The following ALK variants were observed in gnomAD, a reference collection of about 807,000 sequenced individuals.
The protein encoded by ALK is ALK receptor tyrosine kinase.
A neutral mutation model predicts 163.1 loss-of-function variants in ALK; 74 were observed. That is an observed-to-expected ratio of 0.45 (90% CI 0.38 to 0.55). ALK has a LOEUF of 0.55. Among genes scored for constraint, ALK ranks in the 20% least tolerant of loss-of-function variants. ALK has a pLI of 0.00. For synonymous variants in ALK, 960 were observed against 843.2 expected (o/e 1.14, Z -2.40); for missense variants, 2,063 against 2,105.3 (o/e 0.98, Z 0.39).
rs772708400 is a variant in ALK at position 29,223,528 on chromosome 2, A to G, written c.3173T>C (p.Val1058Ala). ...CAGCTCCTGGTGCTTCCGGCGGTAC[A>G]CTGCAGGTGGGTGGTCAGCTGCAAC... Reference protein sequence around the residue: ...LVLAFSGIMIVYRRKHQELQA... With the variant: ...LVLAFSGIMIAYRRKHQELQA... Residue 1058 changes from valine to alanine, a missense_variant and splice_region_variant, in exon 20 of 29, where the codon GTG becomes GCG. Physicochemically the swap from Val to Ala is moderately conservative, Grantham distance 64. Coordinates refer to ENST00000389048, the MANE Select transcript of ALK (RefSeq NM_004304.5). 11 of 1,613,268 alleles carry G rather than the reference A, an allele frequency of 6.8e-6. No individual in the cohort carries two copies. The highest frequency in any genetic ancestry group is 1.3e-5 in the African/African-American group (1 of 74,878).
chr2:29,592,626 C>A lies in ALK; in HGVS notation c.953-60510G>T, dbSNP rs183565164. ...ATAACTTATGAAACTAGAGAAATAA[C>A]CCTTCTCCTAATATCCCTATAGTGT... is the stretch of plus-strand genomic sequence containing the variant. On this transcript the variant is annotated intron_variant, in intron 3 of 28. Transcript: ENST00000389048. Among the ~76,000 whole-genome samples, 57 of 152,296 alleles carry A rather than the reference C, an allele frequency of 3.7e-4. No homozygotes were observed. In the East Asian group the frequency reaches 0.01, roughly 27 times the overall value.
At chr2:29,465,052 T>C (rs904445817) in intron 4 of ALK, among the ~76,000 whole-genome samples, 6 of 152,224 alleles carry the variant, frequency 3.9e-5, no homozygotes, top group Non-Finnish European at 8.8e-5. Flanking sequence ...TGTTGAAAAC[T>C]TTAAGTTCAC....
At chr2:29,384,662 G>GTA (rs896312099) in intron 4 of ALK, among the ~76,000 whole-genome samples, 5 of 151,830 alleles carry the variant, frequency 3.3e-5, no homozygotes, top group African/African-American at 1.2e-4. Flanking sequence ...GTGTGTGTGT[G>GTA]TGTGTGGATT....
intron 3 of ALK, among the ~76,000 whole-genome samples, chr2:29,693,697 G>T (rs567040701): frequency 2.0e-5 from 3 of 152,286 alleles, no homozygotes; most frequent in South Asian, 2.1e-4. Context: ...AGGCTCCCTA[G>T]TAGCATAAGC....
intron 1 of ALK, among the ~76,000 whole-genome samples, chr2:29,728,402 T>C (rs1311165283): frequency 4.6e-5 from 7 of 152,222 alleles, no homozygotes; most frequent in African/African-American, 7.2e-5. Flanking sequence ...CCCTTGGCAG[T>C]TGGGCTGCAT....
At chr2:29,730,488 G>C in intron 1 of ALK, among the ~76,000 whole-genome samples, 1 of 151,944 alleles carries the variant, frequency 6.6e-6, no homozygotes, top group East Asian at 1.9e-4. Flanking sequence ...TAGAGGGATA[G>C]AGTTCTATCT....
intron 1 of ALK, among the ~76,000 whole-genome samples, chr2:29,762,257 T>C (rs1028115775): frequency 2.0e-5 from 3 of 152,240 alleles, no homozygotes; most frequent in Non-Finnish European, 4.4e-5. Context: ...ACCAAAGTTA[T>C]TATTATCAAC....
chr2:29,505,472 C>G (rs182336496), intron 4 of ALK, among the ~76,000 whole-genome samples: 2 of 152,248 alleles, frequency 1.3e-5, no homozygotes, highest in East Asian at 3.9e-4. Flanking sequence ...ACTAGATGTC[C>G]TGAATATCTC....
chr2:29,217,352 C>T (rs1475095476), intron 23 of ALK, among the ~76,000 whole-genome samples: 9 of 105,408 alleles, frequency 8.5e-5, no homozygotes, highest in Admixed American at 2.7e-4. Flanking sequence ...ATGTGTTGTG[C>T]GTGTGTGGTG....
intron 3 of ALK, among the ~76,000 whole-genome samples, chr2:29,557,539 C>T (rs1014416043): frequency 6.6e-6 from 1 of 152,092 alleles, no homozygotes; most frequent in African/African-American, 2.4e-5. Flanking sequence ...GACCTTTTAA[C>T]TAACAAATGG....
intron 18 of ALK, among the ~76,000 whole-genome samples, chr2:29,226,594 T>C (rs1315222175): frequency 1.3e-5 from 2 of 151,204 alleles, no homozygotes; most frequent in Non-Finnish European, 2.9e-5. Flanking sequence ...AGGCAACAGG[T>C]CCCCAGCTCT....
chr2:29,646,131 T>G (rs1056743468), intron 3 of ALK, among the ~76,000 whole-genome samples: 6 of 152,162 alleles, frequency 3.9e-5, no homozygotes, highest in Admixed American at 6.6e-5. Flanking sequence ...TTTCCCACAT[T>G]AGAACCTAAA....
At chr2:29,470,610 C>A (rs1184583237) in intron 4 of ALK, among the ~76,000 whole-genome samples, 1 of 151,804 alleles carries the variant, frequency 6.6e-6, no homozygotes, top group Non-Finnish European at 1.5e-5. Context: ...TGACTGCCAG[C>A]CAAGAATTAT....
intron 3 of ALK, among the ~76,000 whole-genome samples, chr2:29,535,435 T>C (rs962763395): frequency 1.3e-5 from 2 of 152,220 alleles, no homozygotes; most frequent in Admixed American, 1.3e-4. Flanking sequence ...TCAAACTCTT[T>C]TGTATCTGTT....
At chr2:29,298,319 G>A (rs1055714814) in intron 8 of ALK, among the ~76,000 whole-genome samples, 1 of 152,160 alleles carries the variant, frequency 6.6e-6, no homozygotes, top group African/African-American at 2.4e-5. Context: ...ATAAATGAAT[G>A]AATCTGTTAA....
At chr2:29,717,546 G>T in intron 2 of ALK, 32 bp downstream of exon 2, 1 of 1,611,732 alleles carries the variant, frequency 6.2e-7, no homozygotes, top group South Asian at 1.1e-5. Context: ...TAGTGACAGT[G>T]TATCTCAAGT....
At chr2:29,472,780 A>T (rs4665459) in intron 4 of ALK, among the ~76,000 whole-genome samples, 24,988 of 152,168 alleles carry the variant, frequency 0.16, 2,258 homozygotes, top group East Asian at 0.35. Context: ...AAAACACTTA[A>T]AAGTCACAAA....
At chr2:29,764,829 G>A (rs1680811230) in intron 1 of ALK, among the ~76,000 whole-genome samples, 1 of 152,162 alleles carries the variant, frequency 6.6e-6, no homozygotes, top group Admixed American at 6.5e-5. Flanking sequence ...TTATTGATAT[G>A]ATTTGGATTT....
chr2:29,543,326 A>G (rs1673464329), intron 3 of ALK, among the ~76,000 whole-genome samples: 1 of 152,208 alleles, frequency 6.6e-6, no homozygotes, highest in Non-Finnish European at 1.5e-5. Context: ...TCACATTTAA[A>G]CAGGAGAGAC....
Sources: allele counts gnomAD v4.1 joint callset (sites outside exome capture counted in the v4.1 genomes callset), GRCh38; gene constraint gnomAD v4.1.1; transcripts MANE v1.5; gene names NCBI Gene and HGNC (gene_info 2026-07-23, HGNC 2026-07-21).